The following CDH4 variants were observed in gnomAD, a reference collection of about 807,000 sequenced individuals.
The protein encoded by CDH4 is cadherin 4.
A neutral mutation model predicts 86.0 loss-of-function variants in CDH4; 33 were observed. The ratio of observed to expected loss-of-function variants is 0.38; its 90% CI spans 0.29 to 0.51. CDH4 has a LOEUF of 0.51. CDH4 is among the 20% of genes least tolerant of loss of function. The pLI is 0.86. For synonymous variants in CDH4, 555 were observed against 549.4 expected, an observed-to-expected ratio of 1.01 and a Z score of -0.14; for missense variants, 1,114 against 1,307.4, an observed-to-expected ratio of 0.85 and a Z score of 2.28.
intron 2 of CDH4, among the ~76,000 whole-genome samples, chr20:61,573,046 A>ATGGATGGT (rs1250475734): frequency 6.6e-6 from 1 of 151,574 alleles, no homozygotes; most frequent in Non-Finnish European, 1.5e-5. Context: ...GGATGGATGG[A>ATGGATGGT]TGGATGGATG....
rs2088236522 is a variant in CDH4 at position 61,734,531 on chromosome 20, G to A, written c.170-9032G>A. 2.0e-5 allele frequency among the ~76,000 whole-genome samples: 3 copies of A among 152,262 alleles called. No individual in the cohort carries two copies. In the South Asian group the frequency reaches 6.2e-4, roughly 32 times the overall value. ...GGTGCCCAGAGCCCCAGACGGGGAG[G>A]GACGGCCTTGGTTGTGACTCTGGGC... On this transcript the variant is annotated intron_variant, in intron 2 of 15. Coordinates refer to ENST00000614565, the MANE Select transcript of CDH4 (RefSeq NM_001794.5).
chr20:61,372,007 T>A (rs1238527551), intron 2 of CDH4, among the ~76,000 whole-genome samples: 1 of 152,254 alleles, frequency 6.6e-6, no homozygotes, highest in Non-Finnish European at 1.5e-5. Flanking sequence ...TGTAAACACG[T>A]GCACATTCCA....
chr20:61,704,829 T>C (rs781461218), intron 2 of CDH4, among the ~76,000 whole-genome samples: 10 of 152,168 alleles, frequency 6.6e-5, no homozygotes, highest in Non-Finnish European at 1.2e-4. Flanking sequence ...ACTCAGGAGA[T>C]GCCAGTAGCA....
At chr20:61,690,138 G>C (rs1051985990) in intron 2 of CDH4, among the ~76,000 whole-genome samples, 4 of 148,302 alleles carry the variant, frequency 2.7e-5, no homozygotes, top group African/African-American at 1.0e-4. Flanking sequence ...TGGGGACACT[G>C]GTTGGTGAGG....
Position 61,702,940 on chromosome 20 carries a change from C to T in CDH4, c.170-40623C>T, listed in dbSNP as rs961588267. The stretch of plus-strand genomic sequence containing the variant: ...TTTACGTGTGGGAGGTCTTGCCAGG[C>T]GTGTGCTCAGCTGGCAGAGGCTGTG... On this transcript the variant is annotated intron_variant, in intron 2 of 15. Transcript: ENST00000614565. 3.9e-5 allele frequency among the ~76,000 whole-genome samples: 6 copies of T among 152,282 alleles called. No homozygotes were observed. In the South Asian group the frequency reaches 1.0e-3, roughly 26 times the overall value.
chr20:61,738,454 C>G (rs1364911298), intron 2 of CDH4: 1 of 152,058 alleles, frequency 6.6e-6, no homozygotes, highest in African/African-American at 2.4e-5. Context: ...ACTCTTTTGT[C>G]CCCCACAGTA....
intron 3 of CDH4, among the ~76,000 whole-genome samples, chr20:61,753,180 G>A (rs1292228559): frequency 6.6e-6 from 1 of 152,170 alleles, no homozygotes; most frequent in African/African-American, 2.4e-5. Flanking sequence ...TCCCAGGGCA[G>A]TGTTTATTGA....
intron 2 of CDH4, among the ~76,000 whole-genome samples, chr20:61,602,214 C>T (rs748319786): frequency 4.6e-5 from 7 of 152,188 alleles, no homozygotes; most frequent in South Asian, 2.1e-4. Context: ...CCAGCACCCT[C>T]GCTGACACCC....
chr20:61,369,877 G>A (rs1281839401), intron 2 of CDH4: 6 of 152,362 alleles, frequency 3.9e-5, no homozygotes, highest in Non-Finnish European at 7.3e-5. Flanking sequence ...AGAGGGAACA[G>A]AGTGAAGCGC....
At chr20:61,897,604 C>G (rs1354338754) in intron 8 of CDH4, among the ~76,000 whole-genome samples, 6 of 152,364 alleles carry the variant, frequency 3.9e-5, no homozygotes, top group Non-Finnish European at 7.3e-5. Flanking sequence ...CTGAGCTACC[C>G]TCGCCGCAAC....
intron 7 of CDH4, among the ~76,000 whole-genome samples, chr20:61,889,746 A>G (rs1374447670): frequency 2.8e-5 from 4 of 145,334 alleles, no homozygotes; most frequent in Non-Finnish European, 6.0e-5. Flanking sequence ...TGATGGATGG[A>G]TGGATGGATG....
At chr20:61,695,756 T>C (rs2087708802) in intron 2 of CDH4, among the ~76,000 whole-genome samples, 1 of 152,210 alleles carries the variant, frequency 6.6e-6, no homozygotes, top group Non-Finnish European at 1.5e-5. Context: ...CTCATCTAGC[T>C]GGGGACGCTC....
chr20:61,296,744 A>T (rs924872955), intron 2 of CDH4, among the ~76,000 whole-genome samples: 9 of 152,192 alleles, frequency 5.9e-5, no homozygotes, highest in Non-Finnish European at 1.2e-4. Flanking sequence ...GTCTGGGGTG[A>T]TATTCTGGAA....
At chr20:61,514,405 G>A (rs1332263921) in intron 2 of CDH4, among the ~76,000 whole-genome samples, 2 of 148,104 alleles carry the variant, frequency 1.4e-5, no homozygotes, top group Admixed American at 6.8e-5. Context: ...AACAGTTCAG[G>A]GATGTAGATC....
chr20:61,701,121 A>G lies in CDH4; in HGVS notation c.170-42442A>G, dbSNP rs886495980. Among the ~76,000 whole-genome samples the G allele has an allele frequency of 7.2e-5, 11 of 152,284 alleles. 1 individual carries two copies. The East Asian group carries it at 1.7e-3, about 24-fold the overall frequency. ...TTCCAGGCCTCTCTCCTCGGCTTGC[A>G]GGTGCCATCTTCTTCCCGCATCTCT... On this transcript the variant is annotated intron_variant, in intron 2 of 15. Coordinates refer to ENST00000614565, the MANE Select transcript of CDH4 (RefSeq NM_001794.5).
intron 4 of CDH4, among the ~76,000 whole-genome samples, chr20:61,797,405 C>T (rs1979588995): frequency 6.6e-6 from 1 of 152,198 alleles, no homozygotes; most frequent in South Asian, 2.1e-4. Context: ...AGCTGAGCTG[C>T]ACTTCCCCAC....
chr20:61,495,793 C>T (rs1170799667), intron 2 of CDH4, among the ~76,000 whole-genome samples: 1 of 150,492 alleles, frequency 6.6e-6, no homozygotes, highest in Non-Finnish European at 1.5e-5. Flanking sequence ...ATCCCAGCTA[C>T]TCGGGAGGCT....
At chr20:61,418,200 C>G (rs1376616846) in intron 2 of CDH4, among the ~76,000 whole-genome samples, 1 of 125,676 alleles carries the variant, frequency 8.0e-6, no homozygotes, top group South Asian at 2.6e-4. Flanking sequence ...AAACTTTTTT[C>G]TTTTTTTTCT....
chr20:61,360,465 C>T (rs1490906398), intron 2 of CDH4, among the ~76,000 whole-genome samples: 1 of 152,196 alleles, frequency 6.6e-6, no homozygotes, highest in African/African-American at 2.4e-5. Flanking sequence ...GGACAGTTGG[C>T]ATCTGCTGGT....
Sources: gnomAD v4.1 joint callset for allele counts (sites outside exome capture counted in the v4.1 genomes callset) on GRCh38, gnomAD v4.1.1 for gene constraint, MANE v1.5 for transcripts, NCBI Gene and HGNC (gene_info 2026-07-23, HGNC 2026-07-21) for gene names.